Variants in SPOCK1 observed in about 807,000 individuals in gnomAD.
SPOCK1 encodes testican-1.
Under a neutral mutation model 55.3 loss-of-function variants are expected in SPOCK1, and 23 were observed. The ratio of observed to expected loss-of-function variants is 0.42; its 90% CI spans 0.30 to 0.59. SPOCK1 has a LOEUF of 0.59. SPOCK1 is among the 20% of genes least tolerant of loss of function. The pLI is 0.22. For synonymous variants in SPOCK1, 226 were observed against 221.0 expected (o/e 1.02, Z -0.20); for missense variants, 499 against 552.5 (o/e 0.90, Z 0.97).
intron 2 of SPOCK1, among the ~76,000 whole-genome samples, chr5:137,328,530 C>T (rs748324926): frequency 6.6e-6 from 1 of 152,154 alleles, no homozygotes; most frequent in African/African-American, 2.4e-5. Context: ...CGTGCCAGGC[C>T]GACAGTGTTC....
intron 6 of SPOCK1, among the ~76,000 whole-genome samples, chr5:136,994,642 A>G (rs1751007054): frequency 6.6e-6 from 1 of 151,518 alleles, no homozygotes; most frequent in African/African-American, 2.4e-5. Flanking sequence ...ACCTACACAC[A>G]ACTGGCTTTA....
At chr5:137,311,580 A>T (rs550389205) in intron 2 of SPOCK1, among the ~76,000 whole-genome samples, 1 of 152,224 alleles carries the variant, frequency 6.6e-6, no homozygotes, top group Admixed American at 6.5e-5. Flanking sequence ...CAAACTATCT[A>T]CTCCGCTCTT....
chr5:137,216,678 T>G (rs1755722615), intron 3 of SPOCK1, among the ~76,000 whole-genome samples: 1 of 152,008 alleles, frequency 6.6e-6, no homozygotes, highest in South Asian at 2.1e-4. Flanking sequence ...ACCACTGCAC[T>G]GCAGCCTGGG....
intron 6 of SPOCK1, among the ~76,000 whole-genome samples, chr5:137,009,132 C>T (rs1358463613): frequency 1.3e-5 from 2 of 152,084 alleles, no homozygotes; most frequent in Non-Finnish European, 2.9e-5. Context: ...AAAGAGAAGC[C>T]TAACTCCATA....
At chr5:137,370,897 C>T (rs1490866100) in intron 2 of SPOCK1, among the ~76,000 whole-genome samples, 2 of 152,170 alleles carry the variant, frequency 1.3e-5, no homozygotes, top group African/African-American at 4.8e-5. Context: ...ATGAATGCAT[C>T]GTATAAAATC....
intron 2 of SPOCK1, among the ~76,000 whole-genome samples, chr5:137,377,070 A>G (rs530218289): frequency 2.0e-5 from 3 of 152,198 alleles, no homozygotes; most frequent in Non-Finnish European, 2.9e-5. Flanking sequence ...TGGGTTTCCA[A>G]ATGTGAGGGA....
rs191429467 is a variant in SPOCK1, at chr5:137,231,921, T to A, written c.232+35089A>T. Among the ~76,000 whole-genome samples the A allele has an allele frequency of 3.9e-5, 6 of 152,370 alleles. No homozygotes were observed. The East Asian group carries it at 1.2e-3, about 29-fold the overall frequency. On this transcript the variant is annotated intron_variant, in intron 3 of 10. Transcript: ENST00000394945. ...CCATTCTGTTAGGTGTCTAGTGATA[T>A]CCCACTGTTACACTTTAACTTGCAT...
chr5:137,253,327 T>A (rs1409132340), intron 3 of SPOCK1, among the ~76,000 whole-genome samples: 1 of 152,244 alleles, frequency 6.6e-6, no homozygotes, highest in Non-Finnish European at 1.5e-5. Context: ...TACTCCCTTG[T>A]ATTTGCAATG....
At chr5:137,397,843 G>A (rs1751887395) in intron 2 of SPOCK1, among the ~76,000 whole-genome samples, 1 of 152,080 alleles carries the variant, frequency 6.6e-6, no homozygotes, top group South Asian at 2.1e-4. Flanking sequence ...CGCTCCCCCA[G>A]GAAGCCTTCT....
At chr5:137,307,151 T>C (rs1470574183) in intron 2 of SPOCK1, among the ~76,000 whole-genome samples, 1 of 152,234 alleles carries the variant, frequency 6.6e-6, no homozygotes, top group Non-Finnish European at 1.5e-5. Flanking sequence ...CAGTAAATAT[T>C]TGTTAAGTTT....
At chr5:137,072,571 T>C (rs564582790) in intron 5 of SPOCK1, among the ~76,000 whole-genome samples, 1 of 152,316 alleles carries the variant, frequency 6.6e-6, no homozygotes, top group East Asian at 1.9e-4. Context: ...CTCTAATACA[T>C]TGGTTGGAAT....
chr5:137,034,508 G>A (rs905270903), intron 6 of SPOCK1, among the ~76,000 whole-genome samples: 5 of 152,192 alleles, frequency 3.3e-5, no homozygotes, highest in Admixed American at 6.5e-5. Context: ...GCATGACGGT[G>A]CACTCACTGT....
chr5:137,356,356 C>T (rs1420624728), intron 2 of SPOCK1, among the ~76,000 whole-genome samples: 1 of 152,150 alleles, frequency 6.6e-6, no homozygotes, highest in East Asian at 1.9e-4. Flanking sequence ...AAATTGCCAT[C>T]TGGACATTTA....
At chr5:137,433,232 G>A (rs980483873) in intron 2 of SPOCK1, among the ~76,000 whole-genome samples, 1 of 152,238 alleles carries the variant, frequency 6.6e-6, no homozygotes, top group African/African-American at 2.4e-5. Context: ...AACAGAAGGA[G>A]TGTTACAGAT....
intron 2 of SPOCK1, among the ~76,000 whole-genome samples, chr5:137,473,356 G>A (rs555084298): frequency 3.3e-5 from 5 of 152,210 alleles, no homozygotes; most frequent in Non-Finnish European, 7.4e-5. Flanking sequence ...AGCAAGGTAC[G>A]CAAGTAAACA....
chr5:137,004,890 A>C (rs1751215689), intron 6 of SPOCK1, among the ~76,000 whole-genome samples: 1 of 152,192 alleles, frequency 6.6e-6, no homozygotes, highest in Non-Finnish European at 1.5e-5. Flanking sequence ...TTCAGCAAGA[A>C]CTAAGGGATC....
intron 2 of SPOCK1, among the ~76,000 whole-genome samples, chr5:137,308,689 C>A (rs1371401185): frequency 1.3e-5 from 2 of 152,178 alleles, no homozygotes; most frequent in African/African-American, 4.8e-5. Flanking sequence ...GTAACCAATT[C>A]CCTGTATAAA....
chr5:137,115,505 A>T (rs1302373999), intron 4 of SPOCK1, among the ~76,000 whole-genome samples: 1 of 152,188 alleles, frequency 6.6e-6, no homozygotes, highest in Admixed American at 6.5e-5. Flanking sequence ...CTTCTGAAAC[A>T]TTGTTCCTGG....
At chr5:137,213,414 G>A (rs1755655041) in intron 3 of SPOCK1, among the ~76,000 whole-genome samples, 1 of 152,196 alleles carries the variant, frequency 6.6e-6, no homozygotes, top group African/African-American at 2.4e-5. Flanking sequence ...TAGACTTGAT[G>A]AGCCAAGCTC....
Sources: gnomAD v4.1 joint callset for allele counts (sites outside exome capture counted in the v4.1 genomes callset) on GRCh38, gnomAD v4.1.1 for gene constraint, MANE v1.5 for transcripts, NCBI Gene and HGNC (gene_info 2026-07-23, HGNC 2026-07-21) for gene names.